Variants in THSD4 observed in about 807,000 individuals in gnomAD.
THSD4 encodes the protein thrombospondin type-1 domain-containing protein 4.
In THSD4, 69 loss-of-function variants were observed where a neutral mutation model predicts 119.0. The observed-to-expected ratio is 0.58, with a 90% CI of 0.48 to 0.71. The LOEUF is 0.71. Ranked by LOEUF, THSD4 falls within the 30% of genes least tolerant of loss-of-function variation. The pLI is 0.00. For missense variants in THSD4, 1,393 were observed against 1,391.1 expected, an observed-to-expected ratio of 1.00 and a Z score of -0.02; for synonymous variants, 524 against 540.4, an observed-to-expected ratio of 0.97 and a Z score of 0.42.
intron 6 of THSD4, among the ~76,000 whole-genome samples, chr15:71,262,581 A>C (rs901315403): frequency 1.3e-5 from 2 of 152,036 alleles, no homozygotes; most frequent in African/African-American, 4.8e-5. Flanking sequence ...TTAATCCTTA[A>C]AACTGCTAGG....
At chr15:71,574,539 C>T (rs1467069433) in intron 7 of THSD4, among the ~76,000 whole-genome samples, 2 of 152,100 alleles carry the variant, frequency 1.3e-5, no homozygotes, top group African/African-American at 4.8e-5. Context: ...TAACTGGGTC[C>T]TGAATCTCCT....
chr15:71,544,908 G>T (rs541827142), intron 7 of THSD4, among the ~76,000 whole-genome samples: 3 of 152,190 alleles, frequency 2.0e-5, no homozygotes, highest in Non-Finnish European at 2.9e-5. Context: ...GACACAAAAG[G>T]ACAAATACTG....
At chr15:71,478,381 C>A (rs1265746936) in intron 7 of THSD4, among the ~76,000 whole-genome samples, 1 of 152,160 alleles carries the variant, frequency 6.6e-6, no homozygotes, top group Non-Finnish European at 1.5e-5. Flanking sequence ...TAGGACATAA[C>A]TTATGCAGAA....
chr15:71,738,149 G>T, intron 11 of THSD4, 142 bp downstream of exon 11: 2 of 1,173,554 alleles, frequency 1.7e-6, no homozygotes, highest in African/African-American at 1.5e-5. Flanking sequence ...TGGTGGCGGG[G>T]TTGGGGGATG....
chr15:71,688,707 C>CTGTGTG (rs55653630), intron 8 of THSD4, among the ~76,000 whole-genome samples: 11,197 of 133,320 alleles, frequency 0.084, 530 homozygotes, highest in Admixed American at 0.14. Context: ...TTTTGTATCT[C>CTGTGTG]TGTGTGTGTG....
chr15:71,631,204 G>A (rs766001146), intron 7 of THSD4, among the ~76,000 whole-genome samples: 27 of 152,334 alleles, frequency 1.8e-4, no homozygotes, highest in Non-Finnish European at 3.2e-4. Flanking sequence ...GGCCAGGCCT[G>A]TGCCAGCCCA....
chr15:71,221,132 C>G (rs1382848200), intron 4 of THSD4, among the ~76,000 whole-genome samples: 1 of 152,156 alleles, frequency 6.6e-6, no homozygotes, highest in African/African-American at 2.4e-5. Context: ...ACTTGTGAAA[C>G]TGAAGAGACT....
chr15:71,586,018 C>T (rs1178845376), intron 7 of THSD4, among the ~76,000 whole-genome samples: 1 of 152,064 alleles, frequency 6.6e-6, no homozygotes, highest in Non-Finnish European at 1.5e-5. Flanking sequence ...TTTTGTAGCT[C>T]ATTAACTTTA....
At chr15:71,100,686 G>A (rs1161515152) in intron 1 of THSD4, among the ~76,000 whole-genome samples, 1 of 152,088 alleles carries the variant, frequency 6.6e-6, no homozygotes, top group Non-Finnish European at 1.5e-5. Flanking sequence ...TAAATTTAAT[G>A]TAAGAATTGA....
chr15:71,726,495 A>G (rs2052841011), intron 8 of THSD4, among the ~76,000 whole-genome samples: 1 of 152,256 alleles, frequency 6.6e-6, no homozygotes, highest in Admixed American at 6.5e-5. Context: ...CAATGGGTAC[A>G]TGGGGGTTTA....
chr15:71,485,430 T>A (rs1050412504), intron 7 of THSD4, among the ~76,000 whole-genome samples: 1 of 152,218 alleles, frequency 6.6e-6, no homozygotes, highest in Non-Finnish European at 1.5e-5. Context: ...TTCACCATCA[T>A]TGACTATTTT....
intron 2 of THSD4, among the ~76,000 whole-genome samples, chr15:71,149,008 G>A (rs2037156624): frequency 6.6e-6 from 1 of 151,804 alleles, no homozygotes; most frequent in Admixed American, 6.6e-5. Flanking sequence ...TAATGTCATT[G>A]GTAACCCATC....
chr15:71,355,187 T>C (rs909085327), intron 6 of THSD4, among the ~76,000 whole-genome samples: 4 of 152,192 alleles, frequency 2.6e-5, no homozygotes, highest in Non-Finnish European at 1.5e-5. Flanking sequence ...TCAAATCATG[T>C]TTCAAATAAA....
At position 71,418,422 on chromosome 15, in the gene THSD4, G is replaced by A. The variant is rs997685136; in HGVS notation, c.1152+6599G>A. Among the ~76,000 whole-genome samples the A allele has an allele frequency of 3.7e-5, 4 of 108,402 alleles. 2 individuals are homozygous for A. Among genetic ancestry groups the A allele is most frequent in the African/African-American group, 1.3e-4 (4 of 31,938 alleles). The allele number at this position is 108,402 out of a possible 152,430, so 71.1% of individuals were successfully genotyped here. A position where few individuals can be genotyped will look rare whatever the true frequency, so the allele number is the denominator to read the frequency against. ...TCATATATGACTTAATTATGTTAAG[G>A]CATGTTCCTTCTATACCCAACTTTT... On this transcript the variant is annotated intron_variant, in intron 7 of 17. Transcript: ENST00000261862.
intron 7 of THSD4, among the ~76,000 whole-genome samples, chr15:71,546,536 C>T (rs1233876915): frequency 6.6e-6 from 1 of 152,200 alleles, no homozygotes; most frequent in African/African-American, 2.4e-5. Context: ...AACCATCCTG[C>T]ATTTCAGTGT....
chr15:71,155,058 C>A, intron 3 of THSD4, 126 bp downstream of exon 3: 1 of 859,178 alleles, frequency 1.2e-6, no homozygotes, highest in Non-Finnish European at 1.9e-6. Flanking sequence ...GCACCATTTA[C>A]AGAATATGGA....
intron 7 of THSD4, among the ~76,000 whole-genome samples, chr15:71,605,912 G>C (rs2050101813): frequency 6.6e-6 from 1 of 152,204 alleles, no homozygotes; most frequent in Non-Finnish European, 1.5e-5. Context: ...AGGCACAGGA[G>C]ACTGAGAAGT....
At chr15:71,660,770 C>G (rs912645033) in intron 8 of THSD4, 36 bp downstream of exon 8, 4 of 1,610,056 alleles carry the variant, frequency 2.5e-6, no homozygotes, top group Non-Finnish European at 3.4e-6. Context: ...AACCGTCTGT[C>G]CCTGCCAGAT....
intron 6 of THSD4, among the ~76,000 whole-genome samples, chr15:71,358,322 T>C (rs1398037555): frequency 6.6e-6 from 1 of 152,246 alleles, no homozygotes; most frequent in East Asian, 1.9e-4. Flanking sequence ...GCAAAACCTC[T>C]GTATAATCAG....
Sources: gnomAD v4.1 joint callset for allele counts (sites outside exome capture counted in the v4.1 genomes callset) on GRCh38, gnomAD v4.1.1 for gene constraint, MANE v1.5 for transcripts, NCBI Gene and HGNC (gene_info 2026-07-23, HGNC 2026-07-21) for gene names.